The following RARB variants were observed in gnomAD, a reference collection of about 807,000 sequenced individuals.
The protein encoded by RARB is retinoic acid receptor beta, also known as HBV-activated protein.
A neutral mutation model predicts 51.9 loss-of-function variants in RARB; 17 were observed. The observed-to-expected ratio is 0.33, with a 90% CI of 0.22 to 0.49. The LOEUF (loss-of-function observed/expected upper bound fraction) is 0.49, where lower values mean the gene tolerates loss of function less well. Ranked by LOEUF, RARB falls within the 20% of genes least tolerant of loss-of-function variation. The pLI, the probability that RARB is intolerant of heterozygous loss-of-function variation, is 0.99. For missense variants in RARB, 369 were observed against 550.8 expected, an observed-to-expected ratio of 0.67 and a Z score of 3.30; for synonymous variants, 215 against 195.4, an observed-to-expected ratio of 1.10 and a Z score of -0.84.
chr3:25,390,571 G>A (rs1991786), intron 5 of RARB, among the ~76,000 whole-genome samples: 62,876 of 149,200 alleles, frequency 0.42, 13,507 homozygotes, highest in East Asian at 0.74. Flanking sequence ...TAGAAGACCC[G>A]TTCATTTTTT....
At chr3:25,018,962 A>G (rs941557797) in intron 2 of RARB, among the ~76,000 whole-genome samples, 6 of 152,166 alleles carry the variant, frequency 3.9e-5, no homozygotes, top group African/African-American at 1.4e-4. Flanking sequence ...AAACCTAAGG[A>G]CTCCAAATTA....
intron 1 of RARB, among the ~76,000 whole-genome samples, chr3:24,837,940 G>T (rs955477430): frequency 2.6e-5 from 4 of 152,116 alleles, no homozygotes; most frequent in Admixed American, 2.0e-4. Context: ...CACCATTTCC[G>T]TAAGTCAGAA....
chr3:24,971,984 A>T (rs999578835), intron 2 of RARB, among the ~76,000 whole-genome samples: 11 of 76,568 alleles, frequency 1.4e-4, no homozygotes, highest in African/African-American at 4.0e-4. Flanking sequence ...TTAAATATTT[A>T]TTTTTCTTTA....
At chr3:24,903,754 T>G (rs1303205440) in intron 2 of RARB, among the ~76,000 whole-genome samples, 4 of 152,176 alleles carry the variant, frequency 2.6e-5, no homozygotes. Flanking sequence ...GGAAGCATAT[T>G]CTGAGAAACA....
chr3:25,381,472 C>A (rs1358307242), intron 5 of RARB, among the ~76,000 whole-genome samples: 1 of 152,156 alleles, frequency 6.6e-6, no homozygotes, highest in East Asian at 1.9e-4. Context: ...ATAATATAAC[C>A]TTTATACAAT....
At chr3:25,165,964 A>T (rs186326170) in intron 4 of RARB, among the ~76,000 whole-genome samples, 3 of 152,268 alleles carry the variant, frequency 2.0e-5, no homozygotes, top group African/African-American at 7.2e-5. Flanking sequence ...CTAAAAAGAA[A>T]TACAGGGACA....
At chr3:24,908,921 T>A (rs957724342) in intron 2 of RARB, among the ~76,000 whole-genome samples, 1 of 152,052 alleles carries the variant, frequency 6.6e-6, no homozygotes, top group African/African-American at 2.4e-5. Context: ...CATATTCAAC[T>A]CCCCGTAATG....
chr3:25,182,924 G>T (rs1385654999), intron 5 of RARB, among the ~76,000 whole-genome samples: 2 of 152,106 alleles, frequency 1.3e-5, no homozygotes, highest in Non-Finnish European at 2.9e-5. Context: ...ATTGGAGCTA[G>T]CTGCCAAAAG....
chr3:24,979,411 C>A (rs1696592013), intron 2 of RARB, among the ~76,000 whole-genome samples: 1 of 152,084 alleles, frequency 6.6e-6, no homozygotes, highest in South Asian at 2.1e-4. Flanking sequence ...CTTTATGAAT[C>A]CGGATGCTCT....
chr3:25,314,032 C>G (rs759388222), intron 5 of RARB, among the ~76,000 whole-genome samples: 49 of 152,144 alleles, frequency 3.2e-4, no homozygotes, highest in Non-Finnish European at 5.3e-4. Context: ...GATCACACCA[C>G]TGCACTCCAG....
chr3:25,389,602 G>A (rs893403973), intron 5 of RARB, among the ~76,000 whole-genome samples: 14 of 152,292 alleles, frequency 9.2e-5, no homozygotes, highest in African/African-American at 3.4e-4. Context: ...GGCCAGCGCA[G>A]AGAACTGGGT....
intron 5 of RARB, among the ~76,000 whole-genome samples, chr3:25,285,398 T>G (rs77524144): frequency 0.015 from 2,305 of 152,224 alleles, 68 homozygotes; most frequent in African/African-American, 0.053. Flanking sequence ...ATGGGACATG[T>G]GGATTTTGGG....
chr3:25,120,380 T>C (rs1191587913), intron 3 of RARB, among the ~76,000 whole-genome samples: 1 of 152,130 alleles, frequency 6.6e-6, no homozygotes, highest in African/African-American at 2.4e-5. Flanking sequence ...AGTAAAGCCA[T>C]GTCCTCCAAC....
chr3:25,151,171 G>A (rs746036289), intron 4 of RARB, among the ~76,000 whole-genome samples: 1 of 152,204 alleles, frequency 6.6e-6, no homozygotes, highest in Non-Finnish European at 1.5e-5. Flanking sequence ...TGCAGGTGCC[G>A]CATTTCTGAA....
intron 3 of RARB, among the ~76,000 whole-genome samples, chr3:25,123,155 T>C (rs577308687): frequency 1.9e-4 from 29 of 152,338 alleles, no homozygotes; most frequent in African/African-American, 6.5e-4. Flanking sequence ...CAAAACTCCC[T>C]TTCCAGTTAT....
intron 4 of RARB, among the ~76,000 whole-genome samples, chr3:25,136,799 C>G (rs1700037577): frequency 6.6e-6 from 1 of 151,826 alleles, no homozygotes; most frequent in Non-Finnish European, 1.5e-5. Flanking sequence ...GAAGAACCAT[C>G]CTTGGCTTAG....
At chr3:25,019,707 G>A (rs1697587373) in intron 2 of RARB, among the ~76,000 whole-genome samples, 1 of 152,134 alleles carries the variant, frequency 6.6e-6, no homozygotes, top group South Asian at 2.1e-4. Context: ...GCAGGGCGAG[G>A]GTGGAGAAGA....
At chr3:24,952,498 G>C (rs556926767) in intron 2 of RARB, among the ~76,000 whole-genome samples, 2 of 152,020 alleles carry the variant, frequency 1.3e-5, no homozygotes, top group East Asian at 1.9e-4. Context: ...CCTGCACTCC[G>C]GCGCTAACTG....
At chr3:25,210,436 A>G (rs6550957) in intron 5 of RARB, among the ~76,000 whole-genome samples, 2,748 of 151,692 alleles carry the variant, frequency 0.018, 85 homozygotes, top group African/African-American at 0.062. Context: ...ATGCCCATTC[A>G]CTTATGTGTT....
Sources: allele counts gnomAD v4.1 joint callset (sites outside exome capture counted in the v4.1 genomes callset), GRCh38; gene constraint gnomAD v4.1.1; transcripts MANE v1.5; gene names NCBI Gene and HGNC (gene_info 2026-07-23, HGNC 2026-07-21).